Variants in USP47 observed in about 807,000 individuals in gnomAD.
USP47 encodes ubiquitin carboxyl-terminal hydrolase 47.
Under a neutral mutation model 165.1 loss-of-function variants are expected in USP47, and 35 were observed. The ratio of observed to expected loss-of-function variants is 0.21; its 90% CI spans 0.16 to 0.28. USP47 has a LOEUF of 0.28. Among genes scored for constraint, USP47 ranks in the 10% least tolerant of loss-of-function variants. The pLI is 1.00. For synonymous variants in USP47, 531 were observed against 544.5 expected (o/e 0.98, Z 0.35); for missense variants, 1,277 against 1,607.4 (o/e 0.79, Z 3.52).
At chr11:11,883,567 A>G (rs1212634941) in intron 2 of USP47, among the ~76,000 whole-genome samples, 1 of 152,236 alleles carries the variant, frequency 6.6e-6, no homozygotes, top group East Asian at 1.9e-4. Flanking sequence ...GCATTTTCAT[A>G]AAATGAGTAT....
At chr11:11,867,151 C>T (rs1036738904) in intron 1 of USP47, among the ~76,000 whole-genome samples, 1 of 152,146 alleles carries the variant, frequency 6.6e-6, no homozygotes, top group Admixed American at 6.5e-5. Context: ...CCCACCCGGC[C>T]CTTTCAAAGT....
chr11:11,860,832 A>G (rs555749239), intron 1 of USP47, among the ~76,000 whole-genome samples: 2 of 152,342 alleles, frequency 1.3e-5, no homozygotes, highest in African/African-American at 4.8e-5. Flanking sequence ...CCCATTGCCA[A>G]TACTAGAACA....
chr11:11,863,919 G>T (rs567622527), intron 1 of USP47, among the ~76,000 whole-genome samples: 2 of 152,154 alleles, frequency 1.3e-5, no homozygotes, highest in East Asian at 3.9e-4. Context: ...CTAATTCTAA[G>T]ATTAGCCATT....
Position 11,849,799 on chromosome 11 carries a change from C to A in USP47, c.39+7575C>A, listed in dbSNP as rs569752511. On this transcript the variant is annotated intron_variant, in intron 1 of 27. Transcript: ENST00000527733. ...CTTTCTCATTTTGAAGGGCCACTTT[C>A]AATAGTTCTCTGGATGGGATAGAAT... Among the ~76,000 whole-genome samples, 7 of 152,248 alleles carry A rather than the reference C, an allele frequency of 4.6e-5. No homozygotes were observed. In the South Asian group the frequency reaches 1.5e-3, roughly 32 times the overall value.
intron 1 of USP47, among the ~76,000 whole-genome samples, chr11:11,848,271 C>G (rs151032089): frequency 4.6e-5 from 7 of 152,298 alleles, no homozygotes; most frequent in African/African-American, 9.6e-5. Flanking sequence ...CTTGCACAAA[C>G]CTAGATGGTT....
At chr11:11,948,211 A>G in intron 21 of USP47, 91 bp downstream of exon 21, 1 of 1,399,178 alleles carries the variant, frequency 7.1e-7, no homozygotes. Flanking sequence ...GGTGAAGTAG[A>G]TAAACTGGAA....
chr11:11,884,128 A>G (rs1412628918), intron 2 of USP47, among the ~76,000 whole-genome samples: 2 of 152,174 alleles, frequency 1.3e-5, no homozygotes, highest in Non-Finnish European at 2.9e-5. Context: ...ATTAAATATC[A>G]TATTGCATAT....
rs746861981 is a variant in USP47 at position 11,959,260 on chromosome 11, C to A, written c.*3085C>A. On this transcript the variant is annotated 3_prime_UTR_variant, in exon 28 of 28. Transcript: ENST00000527733. ...TGCAAATGTAGTCTAAACCACATTA[C>A]GTGGACTAGAGGATACTCTGAATTA... The A allele has an allele frequency of 6.6e-6, 1 of 152,202 alleles. No individual in the cohort carries two copies. The highest frequency in any genetic ancestry group is 1.5e-5 in the Non-Finnish European group (1 of 68,040). The allele number at this position is 152,202 out of a possible 1,614,324, so 9.4% of individuals were successfully genotyped here.
chr11:11,922,792 G>A lies in USP47; in HGVS notation c.1287G>A (p.Gln429=), dbSNP rs1488826873. ...ATGAAGGTAGTTGTCACAGTGATCA[G>A]ATGAGCAACGATTTCTCCAATGATG... ...AENEGSCHSD[Q]MSNDFSNDDG... is the part of the protein sequence containing the mutation. Residue 429 remains glutamine, a synonymous_variant, in exon 11 of 28, where the codon CAG becomes CAA. Transcript: ENST00000527733. 2 of 1,611,542 alleles carry A rather than the reference G, an allele frequency of 1.2e-6. No homozygotes were observed. Among genetic ancestry groups the A allele is most frequent in the Non-Finnish European group, 1.7e-6 (2 of 1,178,474 alleles).
chr11:11,878,104 G>A (rs538631036), intron 1 of USP47, among the ~76,000 whole-genome samples: 1 of 152,088 alleles, frequency 6.6e-6, no homozygotes, highest in South Asian at 2.1e-4. Context: ...TTCATTGAGG[G>A]ATAATTTTCC....
At chr11:11,921,346 A>T (rs898800586) in intron 10 of USP47, among the ~76,000 whole-genome samples, 1 of 151,632 alleles carries the variant, frequency 6.6e-6, no homozygotes, top group Admixed American at 6.6e-5. Flanking sequence ...AGTTTTATTT[A>T]GTACTATTGA....
intron 5 of USP47, 42 bp from the exon 6 acceptor site, chr11:11,902,673 A>G: frequency 1.5e-6 from 2 of 1,306,018 alleles, no homozygotes; most frequent in South Asian, 2.1e-5. Context: ...TTAAATAATA[A>G]AATCATTTTA....
At chr11:11,905,158 T>C (rs998727036) in intron 7 of USP47, among the ~76,000 whole-genome samples, 2 of 151,570 alleles carry the variant, frequency 1.3e-5, no homozygotes, top group Non-Finnish European at 2.9e-5. Context: ...AAATTAGTGT[T>C]AATCTAATTT....
At chr11:11,845,507 G>T (rs1000286245) in intron 1 of USP47, among the ~76,000 whole-genome samples, 1 of 152,024 alleles carries the variant, frequency 6.6e-6, no homozygotes, top group Non-Finnish European at 1.5e-5. Context: ...CATCTATTAT[G>T]ATCTGAAACT....
At chr11:11,906,672 T>C (rs938404359) in intron 8 of USP47, among the ~76,000 whole-genome samples, 1 of 152,148 alleles carries the variant, frequency 6.6e-6, no homozygotes, top group African/African-American at 2.4e-5. Flanking sequence ...ATTTGAAAAG[T>C]TTTTTAGATG....
intron 16 of USP47, among the ~76,000 whole-genome samples, chr11:11,934,633 A>G (rs10765911): frequency 6.6e-6 from 1 of 151,954 alleles, no homozygotes; most frequent in African/African-American, 2.4e-5. Context: ...GAAAGGAGCC[A>G]TATGTTTAGA....
At chr11:11,892,399 T>G (rs1445722120) in intron 4 of USP47, among the ~76,000 whole-genome samples, 1 of 128,312 alleles carries the variant, frequency 7.8e-6, no homozygotes, top group African/African-American at 3.2e-5. Flanking sequence ...TTTTTTTTTT[T>G]GAGACAGAGT....
At chr11:11,954,483 A>G (rs1001870907) in intron 25 of USP47, among the ~76,000 whole-genome samples, 1 of 152,004 alleles carries the variant, frequency 6.6e-6, no homozygotes, top group Non-Finnish European at 1.5e-5. Flanking sequence ...GTGCGAGGAT[A>G]TTCATGGAAG....
At chr11:11,884,315 A>T in intron 2 of USP47, 152 bp from the exon 3 acceptor site, 1 of 575,456 alleles carries the variant, frequency 1.7e-6, no homozygotes, top group Non-Finnish European at 3.0e-6. Flanking sequence ...TATTCCAGTT[A>T]ATGAATAAAT....
Sources: gnomAD v4.1 joint callset for allele counts (sites outside exome capture counted in the v4.1 genomes callset) on GRCh38, gnomAD v4.1.1 for gene constraint, MANE v1.5 for transcripts, NCBI Gene and HGNC (gene_info 2026-07-23, HGNC 2026-07-21) for gene names.